The following SHISAL1 variants were observed in gnomAD, a reference collection of about 807,000 sequenced individuals.
SHISAL1 encodes the protein shisa like 1.
In SHISAL1, 9 loss-of-function variants were observed where a neutral mutation model predicts 22.6. That is an observed-to-expected ratio of 0.40 (90% CI 0.24 to 0.70). The LOEUF (loss-of-function observed/expected upper bound fraction) is 0.70, where lower values mean the gene tolerates loss of function less well. Among genes scored for constraint, SHISAL1 ranks in the 30% least tolerant of loss-of-function variants. The pLI, the probability that SHISAL1 is intolerant of heterozygous loss-of-function variation, is 0.39. For synonymous variants in SHISAL1, 119 were observed against 115.4 expected (o/e 1.03, Z -0.20); for missense variants, 246 against 270.6 (o/e 0.91, Z 0.64).
chr22:44,261,077 T>TTATATATATATA (rs56290835), intron 4 of SHISAL1, among the ~76,000 whole-genome samples: 1,562 of 108,548 alleles, frequency 0.014, 69 homozygotes, highest in African/African-American at 0.035. Context: ...CTTCATTACT[T>TTATATATATATA]TATATATATA....
intron 2 of SHISAL1, among the ~76,000 whole-genome samples, chr22:44,299,743 G>A (rs371257152): frequency 2.1e-4 from 32 of 151,666 alleles, no homozygotes; most frequent in African/African-American, 7.5e-4. Context: ...GAGACAGAAA[G>A]ACAGAGTCAG....
At chr22:44,271,125 CT>C (rs1236470514) in intron 4 of SHISAL1, among the ~76,000 whole-genome samples, 4 of 152,138 alleles carry the variant, frequency 2.6e-5, no homozygotes, top group Admixed American at 1.3e-4. Flanking sequence ...CCATGATCCC[CT>C]TGCCAGGTGG....
chr22:44,293,626 G>A (rs1405358148), intron 3 of SHISAL1, among the ~76,000 whole-genome samples: 1 of 152,136 alleles, frequency 6.6e-6, no homozygotes, highest in African/African-American at 2.4e-5. Flanking sequence ...CAGCCCATCT[G>A]GGTTGGCTGC....
intron 1 of SHISAL1, among the ~76,000 whole-genome samples, chr22:44,304,487 G>A (rs1022758270): frequency 6.6e-6 from 1 of 152,192 alleles, no homozygotes; most frequent in African/African-American, 2.4e-5. Context: ...TGAAACGCAG[G>A]CCTCTAACAC....
At chr22:44,289,866 T>C (rs1172111377) in intron 3 of SHISAL1, among the ~76,000 whole-genome samples, 2 of 152,224 alleles carry the variant, frequency 1.3e-5, no homozygotes, top group Non-Finnish European at 2.9e-5. Flanking sequence ...GTTTTGTAAA[T>C]GGCAGAAGAT....
the SHISAL1 span, among the ~76,000 whole-genome samples, chr22:44,331,260 C>G: frequency 3.3e-5 from 5 of 151,998 alleles, no homozygotes; most frequent in African/African-American, 9.7e-5. The surrounding 1 kb of genome is among the most constrained non-coding windows in gnomAD (Gnocchi z 5.2). Flanking sequence ...GTCCCCAGCC[C>G]CTTTCTAAAG....
intron 1 of SHISAL1, among the ~76,000 whole-genome samples, chr22:44,307,034 G>T (rs2147309001): frequency 6.6e-6 from 1 of 152,320 alleles, no homozygotes; most frequent in East Asian, 1.9e-4. Context: ...CTCTGATAAT[G>T]ATGGCGTGTT....
intron 4 of SHISAL1, among the ~76,000 whole-genome samples, chr22:44,260,640 G>A (rs547620101): frequency 6.6e-6 from 1 of 152,350 alleles, no homozygotes; most frequent in Admixed American, 6.5e-5. Flanking sequence ...TCAGTTCCCT[G>A]GAAAACTTAA....
At chr22:44,286,430 G>A (rs1262766764) in intron 3 of SHISAL1, among the ~76,000 whole-genome samples, 2 of 152,040 alleles carry the variant, frequency 1.3e-5, no homozygotes, top group East Asian at 1.9e-4. Flanking sequence ...CCAAAGTTGC[G>A]GGAGGGTTTG....
chr22:44,270,321 C>A (rs1259402033), intron 4 of SHISAL1, among the ~76,000 whole-genome samples: 1 of 152,166 alleles, frequency 6.6e-6, no homozygotes, highest in African/African-American at 2.4e-5. Context: ...AAGCGGCACT[C>A]CAGTAAGTGT....
chr22:44,307,314 G>T (rs866244581), intron 1 of SHISAL1, among the ~76,000 whole-genome samples: 11 of 152,144 alleles, frequency 7.2e-5, no homozygotes, highest in Non-Finnish European at 1.3e-4. Context: ...CCCCATGTCA[G>T]CCTAAGGAGG....
upstream of SHISAL1, among the ~76,000 whole-genome samples, chr22:44,315,703 G>A (rs1339371753): frequency 1.3e-5 from 2 of 152,186 alleles, no homozygotes; most frequent in Non-Finnish European, 2.9e-5. Context: ...CCTGCCTGGC[G>A]GGTCACCTGC....
At chr22:44,331,334 T>C in the SHISAL1 span, among the ~76,000 whole-genome samples, 1 of 148,260 alleles carries the variant, frequency 6.7e-6, no homozygotes, top group East Asian at 2.0e-4. The surrounding 1 kb of genome is among the most constrained non-coding windows in gnomAD (Gnocchi z 5.2). Context: ...CTTCACCCCT[T>C]CTCCGGAGCC....
At chr22:44,326,799 T>C in the SHISAL1 span, among the ~76,000 whole-genome samples, 1 of 152,068 alleles carries the variant, frequency 6.6e-6, no homozygotes, top group Non-Finnish European at 1.5e-5. Context: ...GGCATTTACA[T>C]TTCATCTCAG....
chr22:44,285,715 G>A lies in SHISAL1; in HGVS notation c.312C>T (p.Ile104=). The A allele has an allele frequency of 6.2e-7, 1 of 1,613,918 alleles. No homozygotes were observed. The highest frequency in any genetic ancestry group is 8.5e-7 in the Non-Finnish European group (1 of 1,179,808). The part of the protein sequence containing the change: ...NNYTALLGVW[I]YGFFVLMLLV... ...GCAGCATCAACACGAAAAATCCATAGATCCACACTCCCAACAAGGCGGTGT... is the reference window on the plus strand; with the variant it reads ...GCAGCATCAACACGAAAAATCCATAAATCCACACTCCCAACAAGGCGGTGT... The change falls in exon 4 of 5, where the codon ATC becomes ATT. Residue 104 remains isoleucine (I), a synonymous_variant. Coordinates refer to ENST00000381176, the MANE Select transcript of SHISAL1 (RefSeq NM_001099294.2).
upstream of SHISAL1, among the ~76,000 whole-genome samples, chr22:44,315,018 C>A (rs957035358): frequency 2.6e-5 from 4 of 152,150 alleles, no homozygotes; most frequent in South Asian, 4.1e-4. Context: ...TATAGCAAGG[C>A]ATACAGCGGG....
chr22:44,319,065 CT>C, the SHISAL1 span, among the ~76,000 whole-genome samples: 3 of 152,400 alleles, frequency 2.0e-5, no homozygotes, highest in Admixed American at 2.0e-4. Context: ...GCCAGGGAAC[CT>C]GCCCAGGACA....
chr22:44,271,587 G>T (rs749305062), intron 4 of SHISAL1, among the ~76,000 whole-genome samples: 1 of 152,230 alleles, frequency 6.6e-6, no homozygotes, highest in Non-Finnish European at 1.5e-5. Context: ...TAGCAGTTAA[G>T]ACCAGGGTTT....
intron 4 of SHISAL1, among the ~76,000 whole-genome samples, chr22:44,279,034 C>T (rs1384955338): frequency 2.0e-5 from 3 of 152,176 alleles, no homozygotes; most frequent in Admixed American, 1.3e-4. Context: ...GCCAGCAACT[C>T]GTCCGAGGAC....
Sources: gnomAD v4.1 joint callset for allele counts (sites outside exome capture counted in the v4.1 genomes callset) on GRCh38, gnomAD v4.1.1 for gene constraint, Gnocchi (gnomAD v3.1) non-coding constraint, MANE v1.5 for transcripts, NCBI Gene and HGNC (gene_info 2026-07-23, HGNC 2026-07-21) for gene names.